SLC1A7: variants seen among roughly 807,000 people sequenced by gnomAD.
SLC1A7 encodes solute carrier family 1 member 7.
In SLC1A7, 40 loss-of-function variants were observed where a neutral mutation model predicts 47.7. That is an observed-to-expected ratio of 0.84 (90% CI 0.65 to 1.09). The LOEUF is 1.09. Among genes scored for constraint, SLC1A7 ranks in the 50% least tolerant of loss-of-function variants. The pLI is 0.00. For synonymous variants in SLC1A7, 323 were observed against 325.6 expected, an observed-to-expected ratio of 0.99 and a Z score of 0.09; for missense variants, 746 against 769.5, an observed-to-expected ratio of 0.97 and a Z score of 0.36.
At chr1:53,125,587 G>A (rs1202988657) in intron 2 of SLC1A7, among the ~76,000 whole-genome samples, 1 of 152,162 alleles carries the variant, frequency 6.6e-6, no homozygotes, top group Non-Finnish European at 1.5e-5. Context: ...CCCAGTAGGA[G>A]GGAAAAGGGA....
chr1:53,097,806 C>T (rs949504654), intron 5 of SLC1A7, among the ~76,000 whole-genome samples: 1 of 146,784 alleles, frequency 6.8e-6, no homozygotes, highest in East Asian at 2.1e-4. Context: ...CCTCAGTACA[C>T]TCACACACTC....
chr1:53,129,366 T>C (rs1228085042), intron 2 of SLC1A7, among the ~76,000 whole-genome samples: 2 of 152,046 alleles, frequency 1.3e-5, no homozygotes, highest in South Asian at 4.1e-4. Flanking sequence ...CATTTGCACA[T>C]CTAGAGGGTG....
At chr1:53,089,435 T>C (rs1051143406) in intron 9 of SLC1A7, among the ~76,000 whole-genome samples, 1 of 152,140 alleles carries the variant, frequency 6.6e-6, no homozygotes, top group African/African-American at 2.4e-5. Context: ...CAGCTAATTT[T>C]TTCTTTTCTA....
intron 5 of SLC1A7, among the ~76,000 whole-genome samples, chr1:53,097,964 A>G (rs1232332401): frequency 3.4e-5 from 5 of 146,196 alleles, no homozygotes; most frequent in African/African-American, 1.3e-4. Flanking sequence ...GCCTCGGTAC[A>G]CTCACACACC....
rs1428543131 is a variant in SLC1A7, at chr1:53,090,403, TC to T, written c.1226+208del. On this transcript the variant is annotated intron_variant, in intron 8 of 10. Coordinates refer to ENST00000371494, the MANE Select transcript of SLC1A7 (RefSeq NM_006671.6). ...GGCCTCTCCAAGGTCCTGAGTCCTG[TC>T]CCTGGCCTCCGCTCGCCCTGTGGCC... The T allele has an allele frequency of 3.9e-6, 3 of 762,800 alleles. No individual in the cohort carries two copies. The African/African-American group carries it at 5.3e-5, about 13-fold the overall frequency. The allele number at this position is 762,800 out of a possible 1,614,324, so 47.3% of individuals were successfully genotyped here.
intron 5 of SLC1A7, among the ~76,000 whole-genome samples, chr1:53,099,653 T>C (rs1325372333): frequency 6.8e-6 from 1 of 147,388 alleles, no homozygotes; most frequent in Non-Finnish European, 1.5e-5. Context: ...CCCGTCTGAG[T>C]ACACTCACAC....
intron 5 of SLC1A7, among the ~76,000 whole-genome samples, chr1:53,095,235 C>T (rs912395273): frequency 2.6e-5 from 4 of 151,462 alleles, no homozygotes; most frequent in Non-Finnish European, 4.4e-5. Context: ...CACAGGTAAG[C>T]CAGGCGCATG....
intron 5 of SLC1A7, among the ~76,000 whole-genome samples, chr1:53,098,116 C>T (rs1309288864): frequency 6.7e-6 from 1 of 150,324 alleles, no homozygotes; most frequent in African/African-American, 2.5e-5. Flanking sequence ...TGCCTCGGTA[C>T]ACTCACACCT....
At position 53,129,217 on chromosome 1, in the gene SLC1A7, C is replaced by T. The variant is rs1351392594; in HGVS notation, c.215+5133G>A. Among the ~76,000 whole-genome samples the T allele has an allele frequency of 3.2e-4, 30 of 94,876 alleles. 3 individuals are homozygous for T. Among genetic ancestry groups the T allele is most frequent in the African/African-American group, 1.0e-3 (26 of 25,792 alleles). 62.2% of individuals were successfully genotyped at this position (94,876 alleles called of 152,430 possible). A position where few individuals can be genotyped will look rare whatever the true frequency, so the allele number is the denominator to read the frequency against. ...AAAAAGAAAAAAGAAAAACATGGGA[C>T]ATCCATAACGTACCAGGAGCCATGC... On this transcript the variant is annotated intron_variant, in intron 2 of 10. Transcript: ENST00000371494.
chr1:53,129,808 C>T lies in SLC1A7; in HGVS notation c.215+4542G>A, dbSNP rs143394685. Among the ~76,000 whole-genome samples, 67 of 140,888 alleles carry T rather than the reference C, an allele frequency of 4.8e-4. 7 individuals are homozygous for T. The highest frequency in any genetic ancestry group is 8.6e-4 in the Non-Finnish European group (55 of 64,048). 92.4% of individuals were successfully genotyped at this position (140,888 alleles called of 152,430 possible). A position where few individuals can be genotyped will look rare whatever the true frequency, so the allele number is the denominator to read the frequency against. ...GTTGTTTAGATCTCCAACTTCTGAACGAATCTGTCACGCTGAGTACCAGGC... is the reference window on the plus strand; with the variant it reads ...GTTGTTTAGATCTCCAACTTCTGAATGAATCTGTCACGCTGAGTACCAGGC... On this transcript the variant is annotated intron_variant, in intron 2 of 10. Transcript: ENST00000371494.
At chr1:53,108,907 A>AC (rs1466783391) in intron 3 of SLC1A7, among the ~76,000 whole-genome samples, 1 of 152,242 alleles carries the variant, frequency 6.6e-6, no homozygotes, top group Non-Finnish European at 1.5e-5. Context: ...TGCAGATTTT[A>AC]ATCAAGAATT....
At chr1:53,122,444 G>A (rs1174328237) in intron 2 of SLC1A7, among the ~76,000 whole-genome samples, 1 of 152,180 alleles carries the variant, frequency 6.6e-6, no homozygotes, top group African/African-American at 2.4e-5. Context: ...GGGGTCTGCG[G>A]GCAAGAGGGG....
intron 2 of SLC1A7, among the ~76,000 whole-genome samples, chr1:53,124,616 TG>T (rs1572340442): frequency 1.3e-5 from 2 of 151,484 alleles, no homozygotes; most frequent in East Asian, 3.9e-4. Flanking sequence ...CTCAGTGGAA[TG>T]GGGCCATAAT....
chr1:53,139,591 C>T (rs1219386754), intron 1 of SLC1A7, among the ~76,000 whole-genome samples: 1 of 152,204 alleles, frequency 6.6e-6, no homozygotes, highest in Admixed American at 6.5e-5. Context: ...AGGCTTTCAA[C>T]CCCAGCCTCA....
intron 5 of SLC1A7, 52 bp downstream of exon 5, chr1:53,103,294 G>A: frequency 7.3e-7 from 1 of 1,377,680 alleles, no homozygotes; most frequent in Non-Finnish European, 9.9e-7. Flanking sequence ...GCTGCTGGGA[G>A]GGGCTGGGGG....
chr1:53,090,453 G>T, intron 8 of SLC1A7, 159 bp downstream of exon 8: 1 of 1,182,306 alleles, frequency 8.5e-7, no homozygotes, highest in Non-Finnish European at 1.1e-6. Flanking sequence ...TCCCTCCCGG[G>T]CTGTCCTCCA....
intron 3 of SLC1A7, chr1:53,108,341 A>G (rs1433199261): frequency 3.6e-6 from 2 of 550,114 alleles, no homozygotes; most frequent in South Asian, 2.2e-5. Context: ...ACTTATACCT[A>G]TATAGACATT....
Position 53,142,519 on chromosome 1 carries a change from GT to G in SLC1A7, c.-71del. 1 of 1,556,416 alleles carries G rather than the reference GT, an allele frequency of 6.4e-7. No homozygotes were observed. The highest frequency in any genetic ancestry group is 8.7e-7 in the Non-Finnish European group (1 of 1,150,588). ...ATGAGAGCCCGGCCGGGGGCACAGG[GT>G]CTGGGCTGAGGGCTCTAGCCCCTCA... is the stretch of plus-strand genomic sequence containing the variant. On this transcript the variant is annotated 5_prime_UTR_variant, in exon 1 of 11. Coordinates refer to ENST00000371494, the MANE Select transcript of SLC1A7 (RefSeq NM_006671.6).
chr1:53,142,193 G>T, intron 1 of SLC1A7, 122 bp downstream of exon 1: 1 of 1,120,184 alleles, frequency 8.9e-7, no homozygotes, highest in Non-Finnish European at 1.2e-6. Context: ...GACCCAGAGA[G>T]GCAGAGGGAT....
Sources: gnomAD v4.1 joint callset for allele counts (sites outside exome capture counted in the v4.1 genomes callset) on GRCh38, gnomAD v4.1.1 for gene constraint, MANE v1.5 for transcripts, NCBI Gene and HGNC (gene_info 2026-07-23, HGNC 2026-07-21) for gene names.